Variants in KANSL3 observed in about 807,000 individuals in gnomAD.
KANSL3 encodes the protein KAT8 regulatory NSL complex subunit 3.
KANSL3 carries 16 observed loss-of-function variants against 89.2 expected under a neutral mutation model. That is an observed-to-expected ratio of 0.18 (90% confidence interval 0.12 to 0.27). The LOEUF (loss-of-function observed/expected upper bound fraction) is 0.27, where lower values mean the gene tolerates loss of function less well. KANSL3 is among the 10% of genes least tolerant of loss of function. The pLI is 1.00. For missense variants in KANSL3, 879 were observed against 1,110.6 expected (o/e 0.79, Z 2.96); for synonymous variants, 385 against 419.7 (o/e 0.92, Z 1.01).
At chr2:96,627,618 A>T (rs1199889690) in intron 3 of KANSL3, among the ~76,000 whole-genome samples, 1 of 152,208 alleles carries the variant, frequency 6.6e-6, no homozygotes. Flanking sequence ...ACAGACAAAG[A>T]GCAATCAGTA....
intron 20 of KANSL3, chr2:96,600,702 C>T (rs2067053672): frequency 1.0e-6 from 1 of 985,352 alleles, no homozygotes; most frequent in Non-Finnish European, 1.2e-6. Flanking sequence ...TTGAGTGGCT[C>T]CTCAGATTAC....
At chr2:96,621,209 G>A (rs2071204911) in intron 3 of KANSL3, among the ~76,000 whole-genome samples, 1 of 152,008 alleles carries the variant, frequency 6.6e-6, no homozygotes, top group South Asian at 2.1e-4. Context: ...ATAAAAGGAA[G>A]AAAGAGAAAT....
chr2:96,613,456 A>AG, intron 6 of KANSL3, 32 bp downstream of exon 6: 2 of 1,569,090 alleles, frequency 1.3e-6, no homozygotes, highest in Non-Finnish European at 1.7e-6. Flanking sequence ...ATTTTTATGT[A>AG]CCATTGTTAA....
chr2:96,631,681 T>G (rs1423948417), intron 2 of KANSL3, 199 bp from the exon 3 acceptor site: 1 of 684,036 alleles, frequency 1.5e-6, no homozygotes, highest in African/African-American at 1.8e-5. Context: ...CATGATGGTA[T>G]GTACTGGAAG....
In KANSL3 at chr2:96,595,621, G is replaced by A. The variant is rs2066458468; in HGVS notation, c.2627C>T (p.Pro876Leu). The change falls in exon 21 of 21, where the codon CCA (proline) becomes CTA (leucine). Residue 876 changes from proline (P) to leucine (L), a missense_variant. By Grantham distance (98) the Pro-to-Leu change is moderately conservative (BLOSUM62 -3). Coordinates refer to ENST00000431828, the MANE Select transcript of KANSL3 (RefSeq NM_001115016.3). Reference sequence around the variant, plus strand: ...TATCACACAGCATCTTCAGGGTGCTGGAGGCAGGCGCTGTGGCAGGAGAGG... The same window carrying A: ...TATCACACAGCATCTTCAGGGTGCTAGAGGCAGGCGCTGTGGCAGGAGAGG... The part of the protein sequence containing the change: ...VLPSSSQRLP[P>L]AP 6.2e-7 allele frequency: 1 copy of A among 1,613,700 alleles called. No individual in the cohort carries two copies. The highest frequency in any genetic ancestry group is 8.5e-7 in the Non-Finnish European group (1 of 1,179,806).
Position 96,631,558 on chromosome 2 carries a change from A to G in KANSL3, c.216-76T>C, listed in dbSNP as rs748274020. On this transcript the variant is annotated intron_variant, in intron 2 of 20. Transcript: ENST00000431828. Reference sequence around the variant, plus strand: ...TTAACAATCATCTGGTTGACAAAAAATGTATCTTTAATACAGTCAGCTTTA... The same window carrying G: ...TTAACAATCATCTGGTTGACAAAAAGTGTATCTTTAATACAGTCAGCTTTA... The G allele has an allele frequency of 7.9e-6, 12 of 1,512,048 alleles. No homozygotes were observed. The African/African-American group carries it at 1.5e-4, about 19-fold the overall frequency. 93.7% of individuals were successfully genotyped at this position (1,512,048 alleles called of 1,614,324 possible).
Position 96,624,848 on chromosome 2 carries a change from A to T in KANSL3, c.387-5086T>A, listed in dbSNP as rs117993305. Among the ~76,000 whole-genome samples, 120 of 152,236 alleles carry T rather than the reference A, an allele frequency of 7.9e-4. 2 individuals carry two copies. The East Asian group carries it at 0.023, about 29-fold the overall frequency. ...CTATCTATCTATATTTTATATACTC[A>T]TACAAGTATCTCTGTAGGATAATTT... is the stretch of plus-strand genomic sequence containing the variant. On this transcript the variant is annotated intron_variant, in intron 3 of 20. Transcript: ENST00000431828.
Position 96,595,626 on chromosome 2 carries a change from C to T in KANSL3, c.2622G>A (p.Leu874=). The T allele has an allele frequency of 6.2e-7, 1 of 1,613,786 alleles. No homozygotes were observed. The highest frequency in any genetic ancestry group is 8.5e-7 in the Non-Finnish European group (1 of 1,179,774). The change falls in exon 21 of 21, where the codon CTG becomes CTA. Residue 874 remains leucine (L), a synonymous_variant. Coordinates refer to ENST00000431828, the MANE Select transcript of KANSL3 (RefSeq NM_001115016.3). The part of the protein sequence containing the change: ...SQVLPSSSQR[L]PPAP ...CACAGCATCTTCAGGGTGCTGGAGGCAGGCGCTGTGGCAGGAGAGGTAGTG... is the reference window on the plus strand; with the variant it reads ...CACAGCATCTTCAGGGTGCTGGAGGTAGGCGCTGTGGCAGGAGAGGTAGTG...
chr2:96,609,278 G>T (rs1449333750), intron 12 of KANSL3, among the ~76,000 whole-genome samples: 1 of 152,176 alleles, frequency 6.6e-6, no homozygotes, highest in African/African-American at 2.4e-5. Context: ...GGGGAGCTCT[G>T]GGGTGGTCAC....
the KANSL3 span, among the ~76,000 whole-genome samples, chr2:96,582,442 A>G: frequency 6.6e-6 from 1 of 152,112 alleles, no homozygotes; most frequent in Non-Finnish European, 1.5e-5. Flanking sequence ...GTAACTTCCA[A>G]TCTGCTATTA....
intron 2 of KANSL3, among the ~76,000 whole-genome samples, chr2:96,634,663 G>A (rs895811297): frequency 6.6e-6 from 1 of 152,156 alleles, no homozygotes; most frequent in Non-Finnish European, 1.5e-5. Flanking sequence ...TTAACTTTTT[G>A]ACTTCAGTGA....
downstream of KANSL3, among the ~76,000 whole-genome samples, chr2:96,589,199 T>C (rs1378296833): frequency 6.6e-6 from 1 of 152,088 alleles, no homozygotes; most frequent in East Asian, 1.9e-4. Context: ...AATGGCCAAC[T>C]TAAGGCCTAA....
At chr2:96,609,420 C>A in intron 12 of KANSL3, 79 bp downstream of exon 12, 1 of 1,308,916 alleles carries the variant, frequency 7.6e-7, no homozygotes, top group Admixed American at 1.7e-5. Context: ...GCCAAAGAGA[C>A]CACTACCAAT....
chr2:96,636,753 T>G (rs540822306), intron 2 of KANSL3, 168 bp downstream of exon 2: 114 of 542,968 alleles, frequency 2.1e-4, no homozygotes, highest in Admixed American at 3.3e-4. Context: ...CTCACAGAGA[T>G]AGCCACATTC....
rs1449382448 is a variant in KANSL3, at chr2:96,636,930, T to G, written c.206A>C (p.Glu69Ala). Residue 69 changes from glutamate to alanine, a missense_variant, in exon 2 of 21, where the codon GAA (glutamate) becomes GCA (alanine). This residue lies in a region of KANSL3 where 210 missense variants were observed against 311.9 expected (regional missense o/e 0.67). Coordinates refer to ENST00000431828, the MANE Select transcript of KANSL3 (RefSeq NM_001115016.3). ...AGAAGCCCCAACTCACATGGTACTTTCGTGCTGCCGCCGGGGAGTGACAAA... is the reference window on the plus strand; with the variant it reads ...AGAAGCCCCAACTCACATGGTACTTGCGTGCTGCCGCCGGGGAGTGACAAA... The part of the protein sequence containing the change: ...MLFVTPRRQH[E>A]STIESDVPID... The G allele has an allele frequency of 1.8e-5, 28 of 1,529,024 alleles. No homozygotes were observed. The highest frequency in any genetic ancestry group is 6.1e-5 in the Admixed American group (3 of 49,092). The allele number at this position is 1,529,024 out of a possible 1,614,324, so 94.7% of individuals were successfully genotyped here.
At chr2:96,632,497 T>C in intron 2 of KANSL3, among the ~76,000 whole-genome samples, 1 of 152,092 alleles carries the variant, frequency 6.6e-6, no homozygotes, top group East Asian at 1.9e-4. Flanking sequence ...AGCAAGTTGA[T>C]TTGGCTCAAG....
Position 96,637,037 on chromosome 2 carries a change from G to C in KANSL3, c.99C>G (p.Asp33Glu). Reference sequence around the variant, plus strand: ...CATAGCTATGATCCAGAAAAACCAGGTCCAGCTCCCGTTCATGCACTGAAA... The same window carrying C: ...CATAGCTATGATCCAGAAAAACCAGCTCCAGCTCCCGTTCATGCACTGAAA... ...FQLSVHERELDLVFLDHSYAK... is the reference protein window; with the variant it reads ...FQLSVHERELELVFLDHSYAK... Residue 33 changes from aspartate (D) to glutamate (E), a missense_variant, in exon 2 of 21, where the codon GAC becomes GAG. Physicochemically the swap from Asp to Glu is conservative, Grantham distance 45. Around this residue, in one of 6 missense-constraint regions of KANSL3, gnomAD observed 210 missense variants for 311.9 expected, o/e 0.67. Transcript: ENST00000431828. 1 of 1,551,662 alleles carries C rather than the reference G, an allele frequency of 6.4e-7. No individual in the cohort carries two copies. The highest frequency in any genetic ancestry group is 2.4e-5 in the East Asian group (1 of 40,920).
rs142016760 is a variant in KANSL3, at chr2:96,612,192, AG to A, written c.1086+89del. The A allele has an allele frequency of 7.5e-5, 67 of 887,898 alleles. No homozygotes were observed. The African/African-American group carries it at 1.0e-3, about 13-fold the overall frequency. 55.0% of individuals were successfully genotyped at this position (887,898 alleles called of 1,614,324 possible). A position where few individuals can be genotyped will look rare whatever the true frequency, so the allele number is the denominator to read the frequency against. ...TATATAGGTAAAGTATCTAGCGCAG[AG>A]CCTGACACACAGTAAAGGACTCAAT... On this transcript the variant is annotated intron_variant, in intron 9 of 20. Coordinates refer to ENST00000431828, the MANE Select transcript of KANSL3 (RefSeq NM_001115016.3).
chr2:96,592,527 C>T (rs1483945980), downstream of KANSL3, among the ~76,000 whole-genome samples: 2 of 152,152 alleles, frequency 1.3e-5, no homozygotes, highest in South Asian at 2.1e-4. Flanking sequence ...GAAAAGGTCA[C>T]GTGCAGGCCA....
Sources: allele counts gnomAD v4.1 joint callset (sites outside exome capture counted in the v4.1 genomes callset), GRCh38; gene constraint gnomAD v4.1.1; regional missense constraint gnomAD v4.1.1; transcripts MANE v1.5; gene names NCBI Gene and HGNC (gene_info 2026-07-23, HGNC 2026-07-21).